The following NTRK3 variants were observed in gnomAD, a reference collection of about 807,000 sequenced individuals.
NTRK3 encodes the protein NT-3 growth factor receptor.
NTRK3 carries 24 observed loss-of-function variants against 91.7 expected under a neutral mutation model. That is an observed-to-expected ratio of 0.26 (90% CI 0.19 to 0.37). The LOEUF (loss-of-function observed/expected upper bound fraction) is 0.37. NTRK3 is among the 10% of genes least tolerant of loss of function. NTRK3 has a pLI of 1.00. For missense variants in NTRK3, 880 were observed against 1,068.9 expected (o/e 0.82, Z 2.46); for synonymous variants, 483 against 404.0 (o/e 1.20, Z -2.34).
intron 13 of NTRK3, among the ~76,000 whole-genome samples, chr15:88,112,710 G>T (rs563925724): frequency 4.4e-4 from 67 of 152,328 alleles, no homozygotes; most frequent in Non-Finnish European, 8.8e-4. Context: ...CTTGGTCCCA[G>T]TGATGGGAGA....
rs542874574 is a variant in NTRK3, at chr15:87,977,967, C to G, written c.1586-37214G>C. 10 of 232,940 alleles carry G rather than the reference C, an allele frequency of 4.3e-5. No homozygotes were observed. In the South Asian group the frequency reaches 1.6e-3, roughly 38 times the overall value. 14.4% of individuals were successfully genotyped at this position (232,940 alleles called of 1,614,324 possible). On this transcript the variant is annotated intron_variant, in intron 14 of 18. Transcript: ENST00000394480. ...CAAAACAACGGTGGGTTAAAACAAC[C>G]ACCTTTTTCCCCCACAAGCCCCCCA...
chr15:88,186,469 C>T (rs2046953793), intron 3 of NTRK3, among the ~76,000 whole-genome samples: 1 of 152,094 alleles, frequency 6.6e-6, no homozygotes, highest in Non-Finnish European at 1.5e-5. Flanking sequence ...TAATAGTCCC[C>T]ACCTCCTCCG....
intron 3 of NTRK3, among the ~76,000 whole-genome samples, chr15:88,206,500 T>C (rs1272614655): frequency 3.4e-5 from 4 of 117,486 alleles, no homozygotes; most frequent in African/African-American, 1.3e-4. Flanking sequence ...CTACTAAAAA[T>C]ACAAAAAATT....
chr15:88,124,317 G>A (rs2053053774), intron 13 of NTRK3, among the ~76,000 whole-genome samples: 3 of 152,200 alleles, frequency 2.0e-5, no homozygotes, highest in Non-Finnish European at 4.4e-5. Flanking sequence ...CTGGGAGAGG[G>A]GAGCAGGGGC....
exon 19 of NTRK3, chr15:87,868,662 C>T (rs2064750275): frequency 4.5e-6 from 1 of 220,014 alleles, no homozygotes; most frequent in South Asian, 1.8e-4. Context: ...TAATCAATGG[C>T]CCTATTTTGC....
intron 14 of NTRK3, among the ~76,000 whole-genome samples, chr15:88,000,059 T>C (rs1249113482): frequency 1.3e-5 from 2 of 152,176 alleles, no homozygotes; most frequent in African/African-American, 4.8e-5. Flanking sequence ...CTTAGTGCTA[T>C]GATGGTGATA....
chr15:88,193,087 G>C (rs1175172650), intron 3 of NTRK3, among the ~76,000 whole-genome samples: 1 of 152,166 alleles, frequency 6.6e-6, no homozygotes, highest in Non-Finnish European at 1.5e-5. Flanking sequence ...CCACCCCTGA[G>C]TAAGTATACA....
intron 13 of NTRK3, among the ~76,000 whole-genome samples, chr15:88,103,827 C>A (rs999599596): frequency 2.6e-5 from 4 of 152,196 alleles, no homozygotes; most frequent in African/African-American, 7.2e-5. Context: ...AAGCTCCTTA[C>A]ATTTTGAGAG....
At chr15:87,872,987 C>A (rs769691891) in exon 19 of NTRK3, 14 of 233,018 alleles carry the variant, frequency 6.0e-5, no homozygotes, top group African/African-American at 1.3e-4. Flanking sequence ...TTCACCCTGC[C>A]ACTTTTCTAC....
intron 3 of NTRK3, among the ~76,000 whole-genome samples, chr15:88,207,353 C>CT (rs1487209914): frequency 6.6e-6 from 1 of 152,210 alleles, no homozygotes; most frequent in East Asian, 1.9e-4. Context: ...AGATGTCACT[C>CT]TTTCCCCCCA....
exon 16 of NTRK3, chr15:87,933,052 A>C (rs1193867018): frequency 6.2e-7 from 1 of 1,614,112 alleles, no homozygotes; most frequent in East Asian, 2.2e-5. Context: ...ATGTATTCAA[A>C]GACCATGATG....
chr15:88,248,998 G>A (rs1179491390), intron 3 of NTRK3, among the ~76,000 whole-genome samples: 1 of 152,210 alleles, frequency 6.6e-6, no homozygotes, highest in Non-Finnish European at 1.5e-5. Flanking sequence ...AAAGGGATTT[G>A]TTCAAAGCTA....
intron 13 of NTRK3, among the ~76,000 whole-genome samples, chr15:88,107,954 C>CA (rs2050891972): frequency 6.6e-6 from 1 of 151,958 alleles, no homozygotes; most frequent in Admixed American, 6.6e-5. Flanking sequence ...AGGTGGAGAG[C>CA]AAGCGACATC....
At chr15:87,908,590 G>C (rs1324398671) in intron 17 of NTRK3, 2 of 399,406 alleles carry the variant, frequency 5.0e-6, no homozygotes, top group Non-Finnish European at 8.8e-6. Context: ...GGAGAGAGTG[G>C]GAAGGGGGAG....
chr15:87,962,295 C>T (rs926495652), intron 14 of NTRK3, among the ~76,000 whole-genome samples: 1 of 152,184 alleles, frequency 6.6e-6, no homozygotes, highest in Non-Finnish European at 1.5e-5. Context: ...GACTTATCTT[C>T]AGCAGACAAG....
chr15:87,890,627 T>C (rs1319576591), intron 17 of NTRK3, among the ~76,000 whole-genome samples: 1 of 152,018 alleles, frequency 6.6e-6, no homozygotes, highest in Non-Finnish European at 1.5e-5. Flanking sequence ...TTTCATTCTA[T>C]TGTAGTTAGT....
intron 3 of NTRK3, among the ~76,000 whole-genome samples, chr15:88,198,696 C>T (rs773128780): frequency 6.0e-5 from 9 of 149,730 alleles, no homozygotes; most frequent in Non-Finnish European, 1.2e-4. Context: ...CTCAGTTCTG[C>T]GCTCAGTAAG....
intron 14 of NTRK3, among the ~76,000 whole-genome samples, chr15:88,021,749 A>G (rs2077609702): frequency 6.6e-6 from 1 of 152,206 alleles, no homozygotes; most frequent in African/African-American, 2.4e-5. Flanking sequence ...CATCAACAAT[A>G]TAGTGCAAGG....
intron 13 of NTRK3, among the ~76,000 whole-genome samples, chr15:88,101,520 T>A (rs1376649333): frequency 6.6e-6 from 1 of 152,226 alleles, no homozygotes; most frequent in African/African-American, 2.4e-5. Flanking sequence ...TTACTGGGTA[T>A]ATACCCAAAG....
Sources: allele counts gnomAD v4.1 joint callset (sites outside exome capture counted in the v4.1 genomes callset), GRCh38; gene constraint gnomAD v4.1.1; transcripts MANE v1.5; gene names NCBI Gene and HGNC (gene_info 2026-07-23, HGNC 2026-07-21).